Variants in STXBP4 observed in about 807,000 individuals in gnomAD.
STXBP4 encodes the protein syntaxin binding protein 4.
A neutral mutation model predicts 76.1 loss-of-function variants in STXBP4; 55 were observed. The observed-to-expected ratio is 0.72, with a 90% CI of 0.58 to 0.91. The LOEUF is 0.91. Ranked by LOEUF, STXBP4 falls within the 40% of genes least tolerant of loss-of-function variation. The probability of loss-of-function intolerance (pLI) is 0.00; values close to 1 mark genes in which losing one functional copy is unlikely to be tolerated. For synonymous variants in STXBP4, 201 were observed against 220.2 expected (o/e 0.91, Z 0.77); for missense variants, 618 against 636.9 (o/e 0.97, Z 0.32).
At chr17:54,990,798 T>C in intron 3 of STXBP4, 27 bp from the exon 4 acceptor site, 2 of 1,576,900 alleles carry the variant, frequency 1.3e-6, no homozygotes, top group Non-Finnish European at 8.6e-7. Context: ...TAGACTAACC[T>C]GTGTGTGCTA....
chr17:55,122,611 T>G (rs1178424744), intron 16 of STXBP4, among the ~76,000 whole-genome samples: 1 of 152,208 alleles, frequency 6.6e-6, no homozygotes, highest in Non-Finnish European at 1.5e-5. Context: ...GAATTCAGAT[T>G]TTACTCCATG....
Position 55,096,966 on chromosome 17 carries a change from A to G in STXBP4, c.1489+15783A>G, listed in dbSNP as rs531489297. On this transcript the variant is annotated intron_variant, in intron 16 of 17. Coordinates refer to ENST00000376352, the MANE Select transcript of STXBP4 (RefSeq NM_178509.6). Reference sequence around the variant, plus strand: ...CTGCTTTGCATCTTTAGTGACAAACACTGTGCTGACCTCATAATAAATAAA... The same window carrying G: ...CTGCTTTGCATCTTTAGTGACAAACGCTGTGCTGACCTCATAATAAATAAA... Among the ~76,000 whole-genome samples, 7 of 152,288 alleles carry G rather than the reference A, an allele frequency of 4.6e-5. 1 individual carries two copies. In the South Asian group the frequency reaches 1.0e-3, roughly 23 times the overall value.
intron 7 of STXBP4, among the ~76,000 whole-genome samples, chr17:55,006,177 A>T (rs2078005371): frequency 6.6e-6 from 1 of 152,152 alleles, no homozygotes; most frequent in Non-Finnish European, 1.5e-5. Context: ...TTCCATTTGA[A>T]GCTAAAAGTC....
At chr17:55,021,888 T>G (rs1030731649) in intron 8 of STXBP4, among the ~76,000 whole-genome samples, 1 of 152,196 alleles carries the variant, frequency 6.6e-6, no homozygotes, top group Non-Finnish European at 1.5e-5. Flanking sequence ...GAATTTTGCC[T>G]ATGATTTTCA....
At chr17:55,066,683 C>T (rs1367055805) in intron 12 of STXBP4, among the ~76,000 whole-genome samples, 4 of 151,954 alleles carry the variant, frequency 2.6e-5, no homozygotes, top group Non-Finnish European at 5.9e-5. Context: ...TTGATAAATA[C>T]TGTAAAAAAG....
intron 16 of STXBP4, among the ~76,000 whole-genome samples, chr17:55,106,465 A>G (rs1440289342): frequency 6.6e-6 from 1 of 152,004 alleles, no homozygotes; most frequent in African/African-American, 2.4e-5. Flanking sequence ...TTTACATTTA[A>G]GGTTAATATT....
At position 55,097,012 on chromosome 17, in the gene STXBP4, A is replaced by G. The variant is rs1195146421; in HGVS notation, c.1489+15829A>G. On this transcript the variant is annotated intron_variant, in intron 16 of 17. Coordinates refer to ENST00000376352, the MANE Select transcript of STXBP4 (RefSeq NM_178509.6). ...ATAAATAATAAATCTTTGTTGAATG[A>G]AAAAAAATGAAGATGTAAAGTCAAC... 2.6e-5 allele frequency among the ~76,000 whole-genome samples: 4 copies of G among 152,158 alleles called. No homozygotes were observed. The East Asian group carries it at 7.7e-4, about 29-fold the overall frequency.
chr17:54,969,565 A>G (rs1168019875), intron 1 of STXBP4, among the ~76,000 whole-genome samples: 1 of 152,192 alleles, frequency 6.6e-6, no homozygotes, highest in Non-Finnish European at 1.5e-5. Context: ...CAGAACAGTA[A>G]ATGAATAATA....
In STXBP4 at chr17:55,048,624, C is replaced by CAA. The variant is rs34807382; in HGVS notation, c.1011+1476_1011+1477dup. Among the ~76,000 whole-genome samples the CAA allele has an allele frequency of 5.2e-4, 79 of 151,214 alleles. 1 individual carries two copies. The highest frequency in any genetic ancestry group is 1.0e-3 in the Non-Finnish European group (68 of 67,554). ...AGTAATAATAGATATTGATCACCCC[C>CAA]AAAAAAATCAGGAAAAAGTGAAATG... On this transcript the variant is annotated intron_variant, in intron 12 of 17. Transcript: ENST00000376352.
Position 54,990,957 on chromosome 17 carries a change from G to A in STXBP4, c.180G>A (p.Lys60=). ...TTATTCCTGGAGGAGACTGTTATAA[G>A]GTAAAAATATGTCCCATGCCCACCA... ...QEIIPGGDCY[K]DGRLKPGDQL... Residue 60 remains lysine, a splice_region_variant and synonymous_variant, in exon 4 of 18, where the codon AAG becomes AAA. Coordinates refer to ENST00000376352, the MANE Select transcript of STXBP4 (RefSeq NM_178509.6). 2 of 1,548,118 alleles carry A rather than the reference G, an allele frequency of 1.3e-6. No homozygotes were observed. The highest frequency in any genetic ancestry group is 1.7e-6 in the Non-Finnish European group (2 of 1,154,290).
intron 7 of STXBP4, among the ~76,000 whole-genome samples, chr17:55,002,711 C>A (rs550159794): frequency 1.3e-5 from 2 of 152,240 alleles, no homozygotes; most frequent in Admixed American, 1.3e-4. Flanking sequence ...CAGTGGTTAC[C>A]ACCAGGCTCT....
At chr17:55,174,866 T>TA (rs1010777611), downstream of STXBP4, among the ~76,000 whole-genome samples, 1 of 152,160 alleles carries the variant, frequency 6.6e-6, no homozygotes, top group Non-Finnish European at 1.5e-5. Context: ...TTTAATCTAT[T>TA]AAAAAATGTC....
intron 8 of STXBP4, 56 bp from the exon 9 acceptor site, chr17:55,031,112 A>G: frequency 7.5e-7 from 1 of 1,338,558 alleles, no homozygotes; most frequent in South Asian, 1.2e-5. Context: ...TGTAATGAAA[A>G]GTTTTATTCT....
chr17:55,074,551 G>T (rs2079157911), intron 13 of STXBP4, among the ~76,000 whole-genome samples: 1 of 152,126 alleles, frequency 6.6e-6, no homozygotes, highest in East Asian at 1.9e-4. Flanking sequence ...GAAAAATCAA[G>T]AGTGTTTAAT....
At chr17:55,069,996 A>G (rs1290442243) in intron 12 of STXBP4, among the ~76,000 whole-genome samples, 2 of 152,014 alleles carry the variant, frequency 1.3e-5, no homozygotes, top group Non-Finnish European at 2.9e-5. Flanking sequence ...AGCCTCAAAT[A>G]TACCTATTGT....
the STXBP4 span, among the ~76,000 whole-genome samples, chr17:55,185,272 TCTCCTTCTCCTTCTC>T: frequency 3.4e-5 from 2 of 59,140 alleles, no homozygotes; most frequent in African/African-American, 1.5e-4. Context: ...TCCTTCTCCT[TCTCCTTCTCCTTCTC>T]CTTCTCCTTC....
chr17:55,003,352 A>G (rs1408100084), intron 7 of STXBP4, among the ~76,000 whole-genome samples: 1 of 152,238 alleles, frequency 6.6e-6, no homozygotes, highest in Admixed American at 6.5e-5. Flanking sequence ...ATAGGTAAAT[A>G]TTAAAATACA....
chr17:55,070,304 G>T (rs2079105163), intron 12 of STXBP4, among the ~76,000 whole-genome samples: 1 of 152,092 alleles, frequency 6.6e-6, no homozygotes, highest in Admixed American at 6.6e-5. Context: ...ATTGAGAATA[G>T]TGCTGGCACA....
At chr17:55,027,282 G>C (rs548785164) in intron 8 of STXBP4, among the ~76,000 whole-genome samples, 24 of 152,292 alleles carry the variant, frequency 1.6e-4, no homozygotes, top group Admixed American at 1.6e-3. Flanking sequence ...CACTCTGGTA[G>C]CTTAACACAA....
Sources: gnomAD v4.1 joint callset for allele counts (sites outside exome capture counted in the v4.1 genomes callset) on GRCh38, gnomAD v4.1.1 for gene constraint, MANE v1.5 for transcripts, NCBI Gene and HGNC (gene_info 2026-07-23, HGNC 2026-07-21) for gene names.